Variants in MCC observed in about 807,000 individuals in gnomAD.
The protein encoded by MCC is colorectal mutant cancer protein.
A neutral mutation model predicts 116.2 loss-of-function variants in MCC; 90 were observed. The ratio of observed to expected loss-of-function variants is 0.77; its 90% CI spans 0.65 to 0.92. MCC has a LOEUF of 0.92. MCC is among the 40% of genes least tolerant of loss of function. MCC has a pLI of 0.00. For missense variants in MCC, 1,516 were observed against 1,312.2 expected, an observed-to-expected ratio of 1.16 and a Z score of -2.40; for synonymous variants, 578 against 510.5, an observed-to-expected ratio of 1.13 and a Z score of -1.78.
chr5:113,314,499 T>G (rs772856810), intron 3 of MCC, among the ~76,000 whole-genome samples: 1 of 152,246 alleles, frequency 6.6e-6, no homozygotes, highest in Non-Finnish European at 1.5e-5. Flanking sequence ...CCGGATATTC[T>G]GAGTATTGCT....
At chr5:113,440,997 T>C (rs764037466) in intron 1 of MCC, among the ~76,000 whole-genome samples, 55 of 152,290 alleles carry the variant, frequency 3.6e-4, no homozygotes, top group Non-Finnish European at 5.4e-4. Context: ...ATTAGGTTAA[T>C]AAGGCAGATA....
intron 3 of MCC, among the ~76,000 whole-genome samples, chr5:113,187,124 C>T (rs1202369477): frequency 6.6e-6 from 1 of 152,110 alleles, no homozygotes; most frequent in African/African-American, 2.4e-5. Flanking sequence ...CTTTCACCTC[C>T]TATAGTTTAT....
At chr5:113,074,254 T>C (rs192980071) in intron 11 of MCC, among the ~76,000 whole-genome samples, 1 of 152,218 alleles carries the variant, frequency 6.6e-6, no homozygotes, top group Admixed American at 6.5e-5. Flanking sequence ...CCGCTGGTGA[T>C]ACCCACACAA....
chr5:113,433,770 G>T (rs374467859), intron 1 of MCC: 6 of 1,613,706 alleles, frequency 3.7e-6, no homozygotes, highest in Admixed American at 3.3e-5. Context: ...CTGTTGGGGG[G>T]GCCCTTCCTC....
At chr5:113,479,270 C>G (rs1195067952) in intron 1 of MCC, among the ~76,000 whole-genome samples, 1 of 152,176 alleles carries the variant, frequency 6.6e-6, no homozygotes, top group Non-Finnish European at 1.5e-5. Flanking sequence ...AAAGACAAAT[C>G]TAATCTGCAG....
chr5:113,468,158 T>G (rs192770751), intron 1 of MCC, among the ~76,000 whole-genome samples: 1 of 152,046 alleles, frequency 6.6e-6, no homozygotes, highest in South Asian at 2.1e-4. Context: ...CTTTTCCTAA[T>G]TGAATACACT....
At chr5:113,054,793 C>G (rs13357496) in intron 14 of MCC, among the ~76,000 whole-genome samples, 6,102 of 152,176 alleles carry the variant, frequency 0.04, 421 homozygotes, top group African/African-American at 0.14. Context: ...GAACCCCAGG[C>G]CTGTGGCAGC....
intron 17 of MCC, among the ~76,000 whole-genome samples, chr5:113,033,997 T>G (rs1391238391): frequency 6.6e-6 from 1 of 151,442 alleles, no homozygotes; most frequent in African/African-American, 2.4e-5. Flanking sequence ...AGCAATCCCC[T>G]CACCTCAGCC....
chr5:113,113,830 C>A (rs1757241870), intron 6 of MCC, among the ~76,000 whole-genome samples: 1 of 151,918 alleles, frequency 6.6e-6, no homozygotes, highest in Admixed American at 6.6e-5. Flanking sequence ...AAAGGAGAGT[C>A]AAAAGACATG....
chr5:113,349,895 A>G (rs1768224869), intron 2 of MCC, among the ~76,000 whole-genome samples: 1 of 152,134 alleles, frequency 6.6e-6, no homozygotes, highest in Non-Finnish European at 1.5e-5. Flanking sequence ...CTATATGCCA[A>G]TAGTGAACAA....
At chr5:113,129,229 A>T (rs949877771) in intron 5 of MCC, among the ~76,000 whole-genome samples, 2 of 152,112 alleles carry the variant, frequency 1.3e-5, no homozygotes, top group Admixed American at 1.3e-4. Context: ...CTGAGGACAA[A>T]CTTGGTGGAG....
chr5:113,352,489 G>A (rs1422415978), intron 2 of MCC, among the ~76,000 whole-genome samples: 1 of 151,838 alleles, frequency 6.6e-6, no homozygotes, highest in African/African-American at 2.4e-5. Context: ...CCCTCCAACA[G>A]ATTTTGAGAA....
At chr5:113,425,752 A>C (rs67320720) in intron 1 of MCC, among the ~76,000 whole-genome samples, 21,171 of 152,138 alleles carry the variant, frequency 0.14, 1,762 homozygotes, top group Non-Finnish European at 0.2. Context: ...GAATTGGCCT[A>C]GGGTAGGTGG....
chr5:113,455,389 C>T (rs893112542), intron 1 of MCC, among the ~76,000 whole-genome samples: 6 of 152,118 alleles, frequency 3.9e-5, no homozygotes, highest in East Asian at 1.9e-4. Context: ...CCACCATCAC[C>T]ACCACCACCC....
chr5:113,119,486 C>T (rs1437198363), intron 6 of MCC, among the ~76,000 whole-genome samples: 1 of 152,134 alleles, frequency 6.6e-6, no homozygotes, highest in African/African-American at 2.4e-5. Context: ...GAACAGCAAG[C>T]CAGGAGGCCA....
chr5:113,386,126 C>T (rs1340622044), intron 1 of MCC, among the ~76,000 whole-genome samples: 1 of 152,174 alleles, frequency 6.6e-6, no homozygotes, highest in African/African-American at 2.4e-5. Flanking sequence ...ATTCCTCCAA[C>T]TGCAGGTTTC....
chr5:113,262,797 A>C (rs769004175), intron 3 of MCC, among the ~76,000 whole-genome samples: 1 of 152,114 alleles, frequency 6.6e-6, no homozygotes, highest in African/African-American at 2.4e-5. Context: ...GATTAAGGAG[A>C]TCTAGAAATG....
chr5:113,465,588 A>G (rs1441542300), intron 1 of MCC, among the ~76,000 whole-genome samples: 1 of 152,216 alleles, frequency 6.6e-6, no homozygotes, highest in Admixed American at 6.5e-5. Context: ...TTAAAACAAG[A>G]CGAACATTTT....
Position 113,358,373 on chromosome 5 carries a change from G to T in MCC, c.416-17643C>A, listed in dbSNP as rs147074621. On this transcript the variant is annotated intron_variant, in intron 2 of 18. Transcript: ENST00000408903. The stretch of plus-strand genomic sequence containing the variant: ...GCAGTAATGACTTAAAAGCAGAGTA[G>T]GCATGATTTATTAATTAGATCTGTG... Among the ~76,000 whole-genome samples, 3 of 152,260 alleles carry T rather than the reference G, an allele frequency of 2.0e-5. No homozygotes were observed. The South Asian group carries it at 6.2e-4, about 32-fold the overall frequency.
Sources: gnomAD v4.1 joint callset for allele counts (sites outside exome capture counted in the v4.1 genomes callset) on GRCh38, gnomAD v4.1.1 for gene constraint, MANE v1.5 for transcripts, NCBI Gene and HGNC (gene_info 2026-07-23, HGNC 2026-07-21) for gene names.